IL1RAPL2: variants seen among roughly 807,000 people sequenced by gnomAD.
IL1RAPL2 encodes interleukin 1 receptor accessory protein like 2.
A neutral mutation model predicts 44.1 loss-of-function variants in IL1RAPL2; 3 were observed. That is an observed-to-expected ratio of 0.07 (90% CI 0.03 to 0.18). IL1RAPL2 has a LOEUF of 0.18. IL1RAPL2 is among the 10% of genes least tolerant of loss of function. IL1RAPL2 has a pLI of 1.00. For missense variants in IL1RAPL2, 391 were observed against 496.4 expected, an observed-to-expected ratio of 0.79 and a Z score of 2.02; for synonymous variants, 181 against 178.8, an observed-to-expected ratio of 1.01 and a Z score of -0.10.
chrX:104,910,324 C>T (rs1924194496), intron 2 of IL1RAPL2, among the ~76,000 whole-genome samples: 1 of 112,251 alleles, frequency 8.9e-6, no homozygotes, highest in Non-Finnish European at 1.9e-5. Flanking sequence ...CTGCGTTGCT[C>T]GTGCTGGGAA....
chrX:104,676,821 ACTT>A (rs917643936), intron 2 of IL1RAPL2, among the ~76,000 whole-genome samples: 9 of 110,241 alleles, frequency 8.2e-5, no homozygotes, highest in African/African-American at 3.0e-4. Flanking sequence ...TTTTCTCTAA[ACTT>A]CTCTTCTCTC....
At chrX:105,347,632 G>A (rs984597705) in intron 5 of IL1RAPL2, among the ~76,000 whole-genome samples, 1 of 109,241 alleles carries the variant, frequency 9.2e-6, no homozygotes, top group African/African-American at 3.3e-5. Flanking sequence ...GGCTACCTGG[G>A]CTACCTGGTT....
intron 1 of IL1RAPL2, among the ~76,000 whole-genome samples, chrX:104,620,700 T>C (rs1929376166): frequency 1.0e-5 from 1 of 99,313 alleles, no homozygotes; most frequent in African/African-American, 3.6e-5. Context: ...TGAGGCCATC[T>C]TGGAAGACAG....
intron 4 of IL1RAPL2, among the ~76,000 whole-genome samples, chrX:105,236,520 A>G (rs1437696948): frequency 8.9e-6 from 1 of 112,198 alleles, no homozygotes; most frequent in Admixed American, 9.5e-5. Flanking sequence ...TATTTTATAG[A>G]AGAAGTGACT....
chrX:105,337,539 A>C (rs972828782), intron 5 of IL1RAPL2, among the ~76,000 whole-genome samples: 20 of 112,237 alleles, frequency 1.8e-4, no homozygotes, highest in Middle Eastern at 4.7e-3. Context: ...TTTCCCTCAA[A>C]CTCCAAACCA....
At chrX:104,682,819 T>C (rs181807789) in intron 2 of IL1RAPL2, among the ~76,000 whole-genome samples, 500 of 112,107 alleles carry the variant, frequency 4.5e-3, no homozygotes, top group African/African-American at 0.015. Flanking sequence ...AGCATTCTGA[T>C]TGTTGCAATT....
chrX:105,551,032 G>A (rs1458486869), intron 6 of IL1RAPL2, among the ~76,000 whole-genome samples: 1 of 111,029 alleles, frequency 9.0e-6, no homozygotes, highest in Non-Finnish European at 1.9e-5. Context: ...CCAGAGTGAA[G>A]CCAGATGAAA....
At chrX:105,554,427 A>G (rs748577511) in intron 6 of IL1RAPL2, among the ~76,000 whole-genome samples, 1 of 111,881 alleles carries the variant, frequency 8.9e-6, no homozygotes, top group Non-Finnish European at 1.9e-5. Context: ...TGGTTATTCT[A>G]CATGGGATTC....
At chrX:105,093,947 T>A (rs2032574727) in intron 2 of IL1RAPL2, among the ~76,000 whole-genome samples, 1 of 111,936 alleles carries the variant, frequency 8.9e-6, no homozygotes, top group Non-Finnish European at 1.9e-5. Flanking sequence ...ATGCACAGTA[T>A]CTCTGAGGTC....
intron 2 of IL1RAPL2, among the ~76,000 whole-genome samples, chrX:105,096,853 G>C (rs1192519667): frequency 2.7e-5 from 3 of 111,920 alleles, no homozygotes; most frequent in African/African-American, 9.7e-5. Flanking sequence ...TATGAGTTAT[G>C]TATTAATAAA....
intron 5 of IL1RAPL2, among the ~76,000 whole-genome samples, chrX:105,318,117 C>T (rs1481297702): frequency 2.0e-4 from 22 of 110,137 alleles, no homozygotes; most frequent in African/African-American, 7.3e-4. Flanking sequence ...GGACTACAGG[C>T]GCCCGCCACC....
chrX:104,793,624 G>A (rs1932836304), intron 2 of IL1RAPL2, among the ~76,000 whole-genome samples: 1 of 112,036 alleles, frequency 8.9e-6, no homozygotes, highest in Non-Finnish European at 1.9e-5. Flanking sequence ...ACAGTTGGAT[G>A]ATAGAAATTA....
chrX:104,695,901 G>A (rs1298864784), intron 2 of IL1RAPL2, among the ~76,000 whole-genome samples: 5 of 111,072 alleles, frequency 4.5e-5, no homozygotes, highest in Non-Finnish European at 9.4e-5. Context: ...ACTGTCTCCC[G>A]GGTTCAAATG....
intron 2 of IL1RAPL2, among the ~76,000 whole-genome samples, chrX:104,950,358 T>A (rs958581972): frequency 2.7e-5 from 3 of 112,478 alleles, no homozygotes; most frequent in Admixed American, 1.9e-4. Flanking sequence ...GGAGAACCAC[T>A]GCTCTCTTCA....
chrX:104,596,108 A>G (rs779604008), intron 1 of IL1RAPL2, among the ~76,000 whole-genome samples: 41 of 111,353 alleles, frequency 3.7e-4, no homozygotes, highest in Non-Finnish European at 6.8e-4. Context: ...AATATTTTAA[A>G]AACAAATTTT....
At chrX:104,682,016 T>C (rs1057377620) in intron 2 of IL1RAPL2, among the ~76,000 whole-genome samples, 4 of 112,625 alleles carry the variant, frequency 3.6e-5, no homozygotes, top group African/African-American at 1.3e-4. Context: ...TTTGTTGTCA[T>C]TACTCAAATG....
At chrX:105,036,408 T>A (rs2147756285) in intron 2 of IL1RAPL2, among the ~76,000 whole-genome samples, 1 of 112,129 alleles carries the variant, frequency 8.9e-6, no homozygotes, top group African/African-American at 3.2e-5. Context: ...CATGGATCAA[T>A]CTCTGGTATT....
At chrX:105,507,208 G>A (rs746970294) in intron 6 of IL1RAPL2, among the ~76,000 whole-genome samples, 5 of 111,693 alleles carry the variant, frequency 4.5e-5, no homozygotes, top group Non-Finnish European at 7.5e-5. Flanking sequence ...TCAAGAGAAT[G>A]AGTTGTTTGA....
At chrX:105,566,409 T>G (rs1463020873) in intron 6 of IL1RAPL2, among the ~76,000 whole-genome samples, 1 of 111,534 alleles carries the variant, frequency 9.0e-6, no homozygotes, top group African/African-American at 3.3e-5. Context: ...TGATTTTGAC[T>G]AATGGGCGAA....
Sources: gnomAD v4.1 joint callset for allele counts (sites outside exome capture counted in the v4.1 genomes callset) on GRCh38, gnomAD v4.1.1 for gene constraint, MANE v1.5 for transcripts, NCBI Gene and HGNC (gene_info 2026-07-23, HGNC 2026-07-21) for gene names.